The following TMC7 variants were observed in gnomAD, a reference collection of about 807,000 sequenced individuals.
TMC7 encodes the protein transmembrane channel like 7.
In TMC7, 54 loss-of-function variants were observed where a neutral mutation model predicts 82.9. The observed-to-expected ratio is 0.65, with a 90% CI of 0.52 to 0.82. The LOEUF is 0.82. Among genes scored for constraint, TMC7 ranks in the 40% least tolerant of loss-of-function variants. The probability of loss-of-function intolerance (pLI) is 0.00; values close to 1 mark genes in which losing one functional copy is unlikely to be tolerated. For synonymous variants in TMC7, 350 were observed against 337.9 expected (o/e 1.04, Z -0.39); for missense variants, 820 against 901.2 (o/e 0.91, Z 1.15).
At position 19,028,796 on chromosome 16, in the gene TMC7, C is replaced by T. The variant is rs532423298; in HGVS notation, c.712-1428C>T. Among the ~76,000 whole-genome samples, 16 of 151,766 alleles carry T rather than the reference C, an allele frequency of 1.1e-4. No individual in the cohort carries two copies. In the South Asian group the frequency reaches 2.9e-3, roughly 28 times the overall value. The stretch of plus-strand genomic sequence containing the variant: ...TTAGCCTCCCGAGTAGATGGGACTA[C>T]AGGCACATGCCACCATGCCCGGCTA... On this transcript the variant is annotated intron_variant, in intron 5 of 15. Transcript: ENST00000304381.
At chr16:19,010,479 G>A (rs1173341513) in intron 2 of TMC7, among the ~76,000 whole-genome samples, 2 of 152,120 alleles carry the variant, frequency 1.3e-5, no homozygotes, top group Non-Finnish European at 2.9e-5. Flanking sequence ...CTAGCATAAA[G>A]TACTAGGTTC....
rs938189061 is a variant in TMC7 at position 19,004,437 on chromosome 16, T to C, written c.68-4735T>C. On this transcript the variant is annotated intron_variant, in intron 1 of 15. Coordinates refer to ENST00000304381, the MANE Select transcript of TMC7 (RefSeq NM_024847.4). ...TGGAGTGCAGTGGCGTGATCTCGGC[T>C]CACTGCAACCTCCGCCTCCTGGCTT... Among the ~76,000 whole-genome samples the C allele has an allele frequency of 2.6e-5, 4 of 152,186 alleles. No homozygotes were observed. The East Asian group carries it at 7.7e-4, about 29-fold the overall frequency.
At position 19,035,809 on chromosome 16, in the gene TMC7, C is replaced by T. The variant is rs752282682; in HGVS notation, c.991C>T (p.Arg331Trp). ...GGCGGATCTGAAGCACAGCAGCTTG[C>T]GGTACGAGCTCCGAGTGAGTGCTCC... ...SMADLKHSSLRYELRADLEEE... is the reference protein window; with the variant it reads ...SMADLKHSSLWYELRADLEEE... The change falls in exon 7 of 16, where the codon CGG becomes TGG. Residue 331 changes from arginine (R) to tryptophan (W), a missense_variant. Transcript: ENST00000304381. 24 of 1,593,084 alleles carry T rather than the reference C, an allele frequency of 1.5e-5. No homozygotes were observed. The highest frequency in any genetic ancestry group is 6.9e-5 in the South Asian group (6 of 87,012).
At chr16:19,014,543 G>A (rs1319766205) in intron 2 of TMC7, among the ~76,000 whole-genome samples, 2 of 152,200 alleles carry the variant, frequency 1.3e-5, no homozygotes, top group Non-Finnish European at 2.9e-5. Context: ...TGTGCCGTGT[G>A]CCATATGCCA....
At chr16:19,030,804 C>T (rs1352301037) in intron 6 of TMC7, among the ~76,000 whole-genome samples, 1 of 151,978 alleles carries the variant, frequency 6.6e-6, no homozygotes, top group Non-Finnish European at 1.5e-5. Flanking sequence ...AACTCCTGAC[C>T]TCAGGTGATC....
At chr16:18,993,805 C>T (rs1353049314) in intron 1 of TMC7, among the ~76,000 whole-genome samples, 6 of 152,092 alleles carry the variant, frequency 3.9e-5, no homozygotes, top group Non-Finnish European at 8.8e-5. Flanking sequence ...GACGTGTAGT[C>T]CCTTTGCAAG....
At chr16:19,009,492 TC>T in intron 2 of TMC7, 77 bp downstream of exon 2, 1 of 1,501,692 alleles carries the variant, frequency 6.7e-7, no homozygotes, top group Non-Finnish European at 8.9e-7. Context: ...GAAATGCATT[TC>T]CTGAAGAGCT....
chr16:19,056,496 C>G (rs764865526), intron 13 of TMC7, 46 bp from the exon 14 acceptor site: 9 of 1,585,002 alleles, frequency 5.7e-6, no homozygotes, highest in Non-Finnish European at 7.7e-6. Context: ...GACACTCAAC[C>G]TGTGCTGCAC....
At chr16:18,993,510 G>T (rs1007880387) in intron 1 of TMC7, among the ~76,000 whole-genome samples, 2 of 152,180 alleles carry the variant, frequency 1.3e-5, no homozygotes, top group African/African-American at 4.8e-5. Context: ...TGACCAATGA[G>T]AAGGAGAAAA....
intron 1 of TMC7, among the ~76,000 whole-genome samples, chr16:18,986,641 G>A (rs1035865696): frequency 3.3e-5 from 5 of 152,146 alleles, no homozygotes; most frequent in African/African-American, 1.2e-4. Flanking sequence ...AGGATCTGGT[G>A]ATTCGACCCC....
At chr16:18,997,510 C>T (rs1021178024) in intron 1 of TMC7, among the ~76,000 whole-genome samples, 1 of 151,922 alleles carries the variant, frequency 6.6e-6, no homozygotes, top group Non-Finnish European at 1.5e-5. Context: ...GCTGGGATTA[C>T]AGGCGCCCAC....
chr16:19,040,675 G>A (rs896811808), intron 9 of TMC7, among the ~76,000 whole-genome samples: 1 of 152,096 alleles, frequency 6.6e-6, no homozygotes, highest in Non-Finnish European at 1.5e-5. Flanking sequence ...TCATATAATA[G>A]CACAGGGCAC....
At chr16:19,020,627 G>A (rs1959919928) in intron 3 of TMC7, among the ~76,000 whole-genome samples, 1 of 152,100 alleles carries the variant, frequency 6.6e-6, no homozygotes, top group East Asian at 1.9e-4. Context: ...CAGCACTTTG[G>A]GAGGCTGAGG....
intron 9 of TMC7, 77 bp downstream of exon 9, chr16:19,040,523 G>A (rs879047546): frequency 1.5e-5 from 21 of 1,362,934 alleles, no homozygotes; most frequent in African/African-American, 1.0e-4. Flanking sequence ...GGCAGACATC[G>A]CTAATCAATT....
intron 2 of TMC7, among the ~76,000 whole-genome samples, chr16:19,011,366 GTAGCATAAAT>G (rs1959329954): frequency 1.3e-5 from 2 of 152,036 alleles, no homozygotes; most frequent in Non-Finnish European, 2.9e-5. Context: ...CACAGGGTCA[GTAGCATAAAT>G]GCATTAGAAA....
At chr16:18,990,732 T>C (rs941536444) in intron 1 of TMC7, among the ~76,000 whole-genome samples, 9 of 152,192 alleles carry the variant, frequency 5.9e-5, no homozygotes, top group African/African-American at 2.2e-4. Context: ...AAGTACATTC[T>C]TAAGGGTGAG....
intron 6 of TMC7, among the ~76,000 whole-genome samples, chr16:19,034,864 A>G (rs1960673611): frequency 1.3e-5 from 2 of 152,182 alleles, no homozygotes; most frequent in African/African-American, 2.4e-5. Flanking sequence ...GTATAGTTAC[A>G]TGGGAGGAGA....
At chr16:19,052,416 C>CA (rs1961580245) in intron 13 of TMC7, among the ~76,000 whole-genome samples, 1 of 152,154 alleles carries the variant, frequency 6.6e-6, no homozygotes, top group African/African-American at 2.4e-5. Context: ...AGGCTGATCT[C>CA]AAACTCCTGA....
intron 1 of TMC7, among the ~76,000 whole-genome samples, chr16:18,991,119 C>A (rs2038943617): frequency 6.6e-6 from 1 of 152,094 alleles, no homozygotes; most frequent in South Asian, 2.1e-4. Flanking sequence ...CTAGGGGCAG[C>A]ATGGGAACCT....
Sources: allele counts gnomAD v4.1 joint callset (sites outside exome capture counted in the v4.1 genomes callset), GRCh38; gene constraint gnomAD v4.1.1; transcripts MANE v1.5; gene names NCBI Gene and HGNC (gene_info 2026-07-23, HGNC 2026-07-21).